CCSER1: variants seen among roughly 807,000 people sequenced by gnomAD.
CCSER1 encodes serine-rich coiled-coil domain-containing protein 1.
A neutral mutation model predicts 82.0 loss-of-function variants in CCSER1; 41 were observed. The ratio of observed to expected loss-of-function variants is 0.50; its 90% confidence interval spans 0.39 to 0.65. The LOEUF is 0.65. Ranked by LOEUF, CCSER1 falls within the 30% of genes least tolerant of loss-of-function variation. The pLI, the probability that CCSER1 is intolerant of heterozygous loss-of-function variation, is 0.00. For synonymous variants in CCSER1, 414 were observed against 383.9 expected (o/e 1.08, Z -0.92); for missense variants, 1,119 against 1,064.2 (o/e 1.05, Z -0.72).
At chr4:90,528,836 T>G (rs1015637175) in intron 5 of CCSER1, among the ~76,000 whole-genome samples, 1 of 152,220 alleles carries the variant, frequency 6.6e-6, no homozygotes, top group African/African-American at 2.4e-5. Context: ...TTTTTAAATT[T>G]TATTATATGT....
At chr4:91,034,602 G>T (rs745776560) in intron 9 of CCSER1, among the ~76,000 whole-genome samples, 1 of 152,054 alleles carries the variant, frequency 6.6e-6, no homozygotes, top group Non-Finnish European at 1.5e-5. Flanking sequence ...AGAAATATTT[G>T]TATGAGCCTT....
chr4:90,220,755 G>A (rs1251078254), intron 1 of CCSER1, among the ~76,000 whole-genome samples: 1 of 152,138 alleles, frequency 6.6e-6, no homozygotes, highest in Non-Finnish European at 1.5e-5. Flanking sequence ...AGCTAGAGCT[G>A]GTCCTGATCA....
At position 91,132,180 on chromosome 4, in the gene CCSER1, CTTG is replaced by C. The variant is rs149585826; in HGVS notation, c.2217+46192_2217+46194del. 5.1e-3 allele frequency among the ~76,000 whole-genome samples: 771 copies of C among 152,024 alleles called. 6 individuals carry two copies. Among genetic ancestry groups the C allele is most frequent in the African/African-American group, 0.017 (726 of 41,492 alleles). ...TGAAAATGACAGAAGTTTAAATTGG[CTTG>C]TTGTTCTATTAAAGAAATGAGTTTT... On this transcript the variant is annotated intron_variant, in intron 10 of 10. Transcript: ENST00000509176.
intron 4 of CCSER1, among the ~76,000 whole-genome samples, chr4:90,456,589 T>A (rs1459472063): frequency 1.3e-5 from 2 of 152,086 alleles, no homozygotes; most frequent in Non-Finnish European, 2.9e-5. Flanking sequence ...TAGACCTCCA[T>A]GAAGGGAAAC....
At chr4:91,185,172 AC>A (rs1282705402) in intron 10 of CCSER1, among the ~76,000 whole-genome samples, 1 of 152,128 alleles carries the variant, frequency 6.6e-6, no homozygotes, top group East Asian at 1.9e-4. Context: ...AATTTGATTT[AC>A]CCAATAAGCT....
At chr4:90,294,896 T>C (rs1414297364) in intron 1 of CCSER1, among the ~76,000 whole-genome samples, 1 of 151,952 alleles carries the variant, frequency 6.6e-6, no homozygotes, top group Non-Finnish European at 1.5e-5. Flanking sequence ...TTCTGCAGAG[T>C]ATTTAATATT....
chr4:90,219,616 T>C (rs1178905018), intron 1 of CCSER1, among the ~76,000 whole-genome samples: 2 of 152,166 alleles, frequency 1.3e-5, no homozygotes, highest in African/African-American at 4.8e-5. Flanking sequence ...TCAATAAAAA[T>C]CATGCCTTGC....
At chr4:91,130,646 A>G (rs1727912789) in intron 10 of CCSER1, among the ~76,000 whole-genome samples, 1 of 151,880 alleles carries the variant, frequency 6.6e-6, no homozygotes, top group Non-Finnish European at 1.5e-5. Context: ...GATGATCTCA[A>G]TTAACTCATA....
intron 10 of CCSER1, among the ~76,000 whole-genome samples, chr4:91,174,125 A>G (rs2149009967): frequency 6.6e-6 from 1 of 152,320 alleles, no homozygotes. Flanking sequence ...ACTATTGAGA[A>G]TTCTGAACAA....
intron 3 of CCSER1, among the ~76,000 whole-genome samples, chr4:90,329,039 G>A (rs1002873365): frequency 6.6e-6 from 1 of 152,024 alleles, no homozygotes; most frequent in Admixed American, 6.6e-5. Context: ...TCTTTCATAT[G>A]CTGTAAGAAT....
At chr4:91,099,137 T>C (rs1286180358) in intron 10 of CCSER1, among the ~76,000 whole-genome samples, 1 of 152,204 alleles carries the variant, frequency 6.6e-6, no homozygotes, top group Non-Finnish European at 1.5e-5. Context: ...GTTTTCTTTA[T>C]GGTCTAATAT....
rs374287817 is a variant in CCSER1, at chr4:91,177,801, G to A, written c.2217+91807G>A. ...TCATTGATTTTTTGAAGTGTTTCTT[G>A]CATCTCTATCTCCTTCAGTTCTGCT... On this transcript the variant is annotated intron_variant, in intron 10 of 10. Transcript: ENST00000509176. 1.4e-4 allele frequency among the ~76,000 whole-genome samples: 21 copies of A among 152,060 alleles called. 1 individual carries two copies. In the South Asian group the frequency reaches 2.9e-3, roughly 21 times the overall value.
intron 4 of CCSER1, among the ~76,000 whole-genome samples, chr4:90,410,289 C>G (rs1158700880): frequency 6.6e-6 from 1 of 152,202 alleles, no homozygotes; most frequent in African/African-American, 2.4e-5. Flanking sequence ...ACCTAATAGT[C>G]ATCTGCAGAA....
intron 9 of CCSER1, among the ~76,000 whole-genome samples, chr4:90,950,907 G>A (rs1361271476): frequency 6.6e-6 from 1 of 152,008 alleles, no homozygotes; most frequent in Admixed American, 6.6e-5. Flanking sequence ...AATATCTTTA[G>A]CATAGCTAAT....
At chr4:91,353,049 A>T (rs750712269) in intron 10 of CCSER1, among the ~76,000 whole-genome samples, 1 of 152,326 alleles carries the variant, frequency 6.6e-6, no homozygotes, top group Non-Finnish European at 1.5e-5. Flanking sequence ...GAAGGAATCG[A>T]TGTGAAAACC....
intron 1 of CCSER1, among the ~76,000 whole-genome samples, chr4:90,180,860 G>A (rs1733605921): frequency 6.6e-6 from 1 of 152,060 alleles, no homozygotes; most frequent in Non-Finnish European, 1.5e-5. Context: ...AATGTAAAAG[G>A]CATGTTGTTG....
intron 5 of CCSER1, among the ~76,000 whole-genome samples, chr4:90,511,814 G>A (rs908485786): frequency 2.8e-4 from 43 of 152,072 alleles, no homozygotes; most frequent in African/African-American, 1.0e-3. Flanking sequence ...AGGTATAAGG[G>A]GAGGTAATCT....
chr4:91,106,622 G>T (rs1001537583), intron 10 of CCSER1, among the ~76,000 whole-genome samples: 1 of 152,138 alleles, frequency 6.6e-6, no homozygotes, highest in Non-Finnish European at 1.5e-5. Flanking sequence ...CTTTGGAATT[G>T]TTGGATTACA....
intron 9 of CCSER1, among the ~76,000 whole-genome samples, chr4:90,977,763 C>T (rs1306093950): frequency 2.0e-5 from 3 of 151,560 alleles, no homozygotes; most frequent in African/African-American, 7.3e-5. Context: ...ATTTCATTGT[C>T]AGTTCTTGTT....
Sources: allele counts gnomAD v4.1 joint callset (sites outside exome capture counted in the v4.1 genomes callset), GRCh38; gene constraint gnomAD v4.1.1; transcripts MANE v1.5; gene names NCBI Gene and HGNC (gene_info 2026-07-23, HGNC 2026-07-21).